Variants in ABI3BP observed in about 807,000 individuals in gnomAD.
ABI3BP encodes the protein ABI family member 3 binding protein.
Under a neutral mutation model 268.6 loss-of-function variants are expected in ABI3BP, and 216 were observed. That is an observed-to-expected ratio of 0.80 (90% CI 0.72 to 0.90). The LOEUF is 0.90. Ranked by LOEUF, ABI3BP falls within the 40% of genes least tolerant of loss-of-function variation. The pLI is 0.00. For missense variants in ABI3BP, 2,090 were observed against 2,182.4 expected (o/e 0.96, Z 0.84); for synonymous variants, 730 against 730.0 (o/e 1.00, Z 0.00).
intron 30 of ABI3BP, 95 bp downstream of exon 30, chr3:100,833,028 GAC>G: frequency 9.5e-7 from 1 of 1,050,320 alleles, no homozygotes; most frequent in Non-Finnish European, 1.4e-6. Flanking sequence ...GTAATGAGAT[GAC>G]AACAAAAGAT....
chr3:100,874,084 T>C (rs2099136533), intron 9 of ABI3BP, among the ~76,000 whole-genome samples: 1 of 152,108 alleles, frequency 6.6e-6, no homozygotes, highest in Non-Finnish European at 1.5e-5. Flanking sequence ...TCTCAAAGTG[T>C]GGTTCCTAGA....
intron 59 of ABI3BP, among the ~76,000 whole-genome samples, chr3:100,776,980 C>T (rs1337949698): frequency 6.6e-6 from 1 of 152,160 alleles, no homozygotes; most frequent in Admixed American, 6.5e-5. Flanking sequence ...TCACAGCTGC[C>T]CCAGGTTACA....
At chr3:100,931,321 A>G (rs1270659383) in intron 1 of ABI3BP, among the ~76,000 whole-genome samples, 1 of 152,124 alleles carries the variant, frequency 6.6e-6, no homozygotes, top group Non-Finnish European at 1.5e-5. Flanking sequence ...TTCCTATTCA[A>G]CATAGTACTG....
chr3:100,959,446 C>T (rs945014144), intron 1 of ABI3BP, among the ~76,000 whole-genome samples: 22 of 140,334 alleles, frequency 1.6e-4, no homozygotes, highest in Admixed American at 8.8e-4. Context: ...GCCGAGATCG[C>T]GCCACTGCAC....
chr3:100,813,652 T>A lies in ABI3BP; in HGVS notation c.3364+9A>T, dbSNP rs1407342896. The A allele has an allele frequency of 6.5e-7, 1 of 1,530,944 alleles. No individual in the cohort carries two copies. The highest frequency in any genetic ancestry group is 1.2e-5 in the South Asian group (1 of 83,896). The allele number at this position is 1,530,944 out of a possible 1,614,324, so 94.8% of individuals were successfully genotyped here. On this transcript the variant is annotated intron_variant, in intron 45 of 67. Coordinates refer to ENST00000471714, the MANE Select transcript of ABI3BP (RefSeq NM_001375547.2). ...CAGTATACCCAGACAGATAAAACAA[T>A]CTATTTACCAGGTTGACTTTCTGTC...
At position 100,751,599 on chromosome 3, in the gene ABI3BP, C is replaced by T; in HGVS notation, c.5198G>A (p.Gly1733Glu). 6.3e-7 allele frequency: 1 copy of T among 1,599,570 alleles called. No homozygotes were observed. The highest frequency in any genetic ancestry group is 8.5e-7 in the Non-Finnish European group (1 of 1,172,098). Residue 1733 changes from glycine to glutamate, a missense_variant, in exon 67 of 68, where the codon GGA becomes GAA. Transcript: ENST00000471714. The stretch of plus-strand genomic sequence containing the variant: ...AGAAGTGAGTTGCTGCCCAGTGCGT[C>T]CATCTAAAAATGAATCCACAAACTG... Reference protein sequence around the residue: ...HCQFVDSFLDGRTGQQLTSDQ... With the variant: ...HCQFVDSFLDERTGQQLTSDQ...
chr3:100,866,804 A>G, intron 10 of ABI3BP, 75 bp downstream of exon 10: 1 of 1,258,460 alleles, frequency 7.9e-7, no homozygotes, highest in Non-Finnish European at 1.1e-6. Flanking sequence ...TTTACTGAAA[A>G]AAAGACTGCA....
chr3:100,816,324 C>A, intron 43 of ABI3BP: 1 of 436,852 alleles, frequency 2.3e-6, no homozygotes. Flanking sequence ...TGTTGCTTTT[C>A]TTGGAAGTTG....
At chr3:100,942,910 T>A (rs952422534) in intron 1 of ABI3BP, among the ~76,000 whole-genome samples, 3 of 152,140 alleles carry the variant, frequency 2.0e-5, no homozygotes, top group African/African-American at 7.2e-5. Flanking sequence ...TTTACAGATA[T>A]TCAACACAGT....
chr3:100,834,066 G>A lies in ABI3BP; in HGVS notation c.2281+618C>T, dbSNP rs182674574. Among the ~76,000 whole-genome samples, 1,171 of 152,196 alleles carry A rather than the reference G, an allele frequency of 7.7e-3. 12 individuals are homozygous for A. Among genetic ancestry groups the A allele is most frequent in the African/African-American group, 0.027 (1,114 of 41,516 alleles). Reference sequence around the variant, plus strand: ...GCTCACTGCAGTCTCGACTTCCTGGGCTCAAGCGATCCTCCCACCTCATTC... The same window carrying A: ...GCTCACTGCAGTCTCGACTTCCTGGACTCAAGCGATCCTCCCACCTCATTC... On this transcript the variant is annotated intron_variant, in intron 29 of 67. Transcript: ENST00000471714.
chr3:100,840,740 C>A, intron 22 of ABI3BP, 80 bp downstream of exon 22: 2 of 1,261,308 alleles, frequency 1.6e-6, no homozygotes, highest in South Asian at 1.4e-5. Flanking sequence ...TGTATTAATT[C>A]ATTAATGTGA....
At chr3:100,971,985 C>T (rs1179121141) in intron 1 of ABI3BP, among the ~76,000 whole-genome samples, 1 of 152,090 alleles carries the variant, frequency 6.6e-6, no homozygotes, top group African/African-American at 2.4e-5. Flanking sequence ...AAGGGTGTGC[C>T]TTCCTAAAAA....
At chr3:100,914,688 G>A (rs984706183) in intron 2 of ABI3BP, among the ~76,000 whole-genome samples, 2 of 152,166 alleles carry the variant, frequency 1.3e-5, no homozygotes, top group African/African-American at 4.8e-5. Context: ...TTGGAAGAGA[G>A]GATGTGGGGA....
At chr3:100,860,526 C>T (rs940330312) in intron 14 of ABI3BP, among the ~76,000 whole-genome samples, 1 of 152,140 alleles carries the variant, frequency 6.6e-6, no homozygotes, top group South Asian at 2.1e-4. Context: ...CAAAAGAAAC[C>T]TTTCCTTTAT....
At chr3:100,958,846 A>G (rs892859303) in intron 1 of ABI3BP, among the ~76,000 whole-genome samples, 1 of 152,260 alleles carries the variant, frequency 6.6e-6, no homozygotes, top group Non-Finnish European at 1.5e-5. Context: ...AACCAAGGAC[A>G]CAAAGGGAGT....
intron 63 of ABI3BP, among the ~76,000 whole-genome samples, chr3:100,764,451 C>T (rs11716316): frequency 2.6e-5 from 4 of 151,998 alleles, no homozygotes; most frequent in African/African-American, 4.8e-5. Context: ...AAACCTTTTA[C>T]AAACAAATTG....
chr3:100,928,310 T>G (rs924732233), intron 1 of ABI3BP, among the ~76,000 whole-genome samples: 2 of 152,106 alleles, frequency 1.3e-5, no homozygotes, highest in Non-Finnish European at 2.9e-5. Flanking sequence ...ATTTACTGAC[T>G]TAATAATTCA....
intron 27 of ABI3BP, 124 bp from the exon 28 acceptor site, chr3:100,835,784 TA>T: frequency 1.2e-6 from 1 of 815,996 alleles, no homozygotes; most frequent in Admixed American, 2.8e-5. Context: ...GGGAAAATAG[TA>T]TTTGTTTTCC....
In ABI3BP at chr3:100,924,390, A is replaced by T. The variant is rs556735335; in HGVS notation, c.259+1912T>A. On this transcript the variant is annotated intron_variant, in intron 2 of 67. Transcript: ENST00000471714. ...GGTATTATAGAATTATTGTTATGTG[A>T]TAAAAGCACAGTGTTATTAAAAATA... Among the ~76,000 whole-genome samples, 21 of 152,344 alleles carry T rather than the reference A, an allele frequency of 1.4e-4. No homozygotes were observed. In the South Asian group the frequency reaches 3.7e-3, roughly 27 times the overall value.
Sources: allele counts gnomAD v4.1 joint callset (sites outside exome capture counted in the v4.1 genomes callset), GRCh38; gene constraint gnomAD v4.1.1; transcripts MANE v1.5; gene names NCBI Gene and HGNC (gene_info 2026-07-23, HGNC 2026-07-21).